The following INSR variants were observed in gnomAD, a reference collection of about 807,000 sequenced individuals.
INSR encodes IR.
A neutral mutation model predicts 142.6 loss-of-function variants in INSR; 67 were observed. The ratio of observed to expected loss-of-function variants is 0.47; its 90% CI spans 0.39 to 0.58. The LOEUF is 0.58. Ranked by LOEUF, INSR falls within the 20% of genes least tolerant of loss-of-function variation. The probability of loss-of-function intolerance (pLI) is 0.00; values close to 1 mark genes in which losing one functional copy is unlikely to be tolerated. For missense variants in INSR, 1,248 were observed against 1,833.2 expected (o/e 0.68, Z 5.83); for synonymous variants, 756 against 743.1 (o/e 1.02, Z -0.28).
intron 2 of INSR, among the ~76,000 whole-genome samples, chr19:7,193,159 C>T (rs1459600701): frequency 1.3e-5 from 2 of 151,048 alleles, no homozygotes; most frequent in Non-Finnish European, 2.9e-5. Flanking sequence ...ACTCTTGTCC[C>T]TCAGGCTGGA....
chr19:7,163,948 A>AAAAAAAAT (rs1411048837), intron 8 of INSR, among the ~76,000 whole-genome samples: 34 of 136,016 alleles, frequency 2.5e-4, no homozygotes, highest in African/African-American at 7.9e-4. Context: ...AAAAAAAAAA[A>AAAAAAAAT]ATTAGCTGGA....
At chr19:7,127,548 C>G (rs909759691) in intron 15 of INSR, among the ~76,000 whole-genome samples, 7 of 152,006 alleles carry the variant, frequency 4.6e-5, no homozygotes, top group African/African-American at 1.5e-4. Context: ...CATATTGTAT[C>G]CATAGGGTGG....
chr19:7,257,034 C>T (rs2145188776), intron 2 of INSR, among the ~76,000 whole-genome samples: 1 of 150,722 alleles, frequency 6.6e-6, no homozygotes, highest in South Asian at 2.1e-4. Context: ...CCTCCGCCTC[C>T]TGGGTTCAAG....
At chr19:7,135,976 A>AAAAAAAAAAAG (rs60435269) in intron 13 of INSR, among the ~76,000 whole-genome samples, 1,934 of 146,408 alleles carry the variant, frequency 0.013, 67 homozygotes, top group African/African-American at 0.039. Flanking sequence ...TCAAAAAAAA[A>AAAAAAAAAAAG]AAAGAAAGAA....
At chr19:7,247,404 C>T (rs147035125) in intron 2 of INSR, among the ~76,000 whole-genome samples, 1,662 of 152,292 alleles carry the variant, frequency 0.011, 13 homozygotes, top group Middle Eastern at 0.037. Flanking sequence ...CTACTCCTTC[C>T]TTGTTCCTCT....
chr19:7,288,761 G>A (rs117799332), intron 1 of INSR, among the ~76,000 whole-genome samples: 5,577 of 151,014 alleles, frequency 0.037, 124 homozygotes, highest in Non-Finnish European at 0.057. Flanking sequence ...TCAGGAGTTT[G>A]GGACCAGCCT....
chr19:7,287,506 A>G (rs1399431112), intron 1 of INSR, among the ~76,000 whole-genome samples: 1 of 147,102 alleles, frequency 6.8e-6, no homozygotes, highest in East Asian at 2.0e-4. Flanking sequence ...GGCCTGAGAG[A>G]AAAAAAAAAA....
At chr19:7,131,794 T>A (rs1599881333) in intron 14 of INSR, among the ~76,000 whole-genome samples, 2 of 140,062 alleles carry the variant, frequency 1.4e-5, no homozygotes, top group African/African-American at 5.3e-5. Context: ...AGGTCAGGAG[T>A]TTGAGACCAG....
intron 2 of INSR, among the ~76,000 whole-genome samples, chr19:7,243,709 A>G (rs1024373121): frequency 1.3e-5 from 2 of 152,292 alleles, no homozygotes; most frequent in South Asian, 2.1e-4. Context: ...CCAACCAAAA[A>G]CATAGCCCAA....
chr19:7,294,041 G>A lies in INSR; in HGVS notation c.-150C>T, dbSNP rs1372566835. ...CCGCGGGCCGCAGCCCCCCTGCCGGGGAGGGCCCAGAGGCAGCCCCGGGAA... is the reference window on the plus strand; with the variant it reads ...CCGCGGGCCGCAGCCCCCCTGCCGGAGAGGGCCCAGAGGCAGCCCCGGGAA... On this transcript the variant is annotated 5_prime_UTR_variant, in exon 1 of 22. Coordinates refer to ENST00000302850, the MANE Select transcript of INSR (RefSeq NM_000208.4). 3 of 867,166 alleles carry A rather than the reference G, an allele frequency of 3.5e-6. No homozygotes were observed. The highest frequency in any genetic ancestry group is 2.9e-6 in the Non-Finnish European group (2 of 694,174). 53.7% of individuals were successfully genotyped at this position (867,166 alleles called of 1,614,324 possible). A position where few individuals can be genotyped will look rare whatever the true frequency, so the allele number is the denominator to read the frequency against.
In INSR at chr19:7,267,529, G is replaced by C. The variant is rs1967773760; in HGVS notation, c.468C>G (p.Ala156=). The change falls in exon 2 of 22, where the codon GCC becomes GCG. Residue 156 remains alanine, a synonymous_variant. Coordinates refer to ENST00000302850, the MANE Select transcript of INSR (RefSeq NM_000208.4). The surrounding 1 kb of genome is among the most constrained non-coding windows in gnomAD (Gnocchi z 6.3). ...CCAGGATACGGGACCAGTCGATAGT[G>C]GCCAAGTAACAGAGCTCATTGTTCT... The part of the protein sequence containing the change: ...IEKNNELCYL[A]TIDWSRILDS... 6.2e-7 allele frequency: 1 copy of C among 1,613,972 alleles called. No individual in the cohort carries two copies. Among genetic ancestry groups the C allele is most frequent in the Admixed American group, 1.7e-5 (1 of 59,980 alleles).
At chr19:7,214,326 T>G (rs1975366883) in intron 2 of INSR, among the ~76,000 whole-genome samples, 1 of 152,156 alleles carries the variant, frequency 6.6e-6, no homozygotes, top group Non-Finnish European at 1.5e-5. Flanking sequence ...CCATAAACAT[T>G]TGCTGAACAA....
At chr19:7,127,932 C>T (rs906245791) in intron 15 of INSR, among the ~76,000 whole-genome samples, 11 of 151,892 alleles carry the variant, frequency 7.2e-5, no homozygotes, top group Admixed American at 3.3e-4. Flanking sequence ...TTAGTAGAGA[C>T]GGGGTTTCAC....
At chr19:7,271,225 G>A (rs953282263) in intron 1 of INSR, among the ~76,000 whole-genome samples, 5 of 152,180 alleles carry the variant, frequency 3.3e-5, no homozygotes, top group Admixed American at 1.3e-4. Context: ...GCCGGGCACC[G>A]TGGCTCACAC....
chr19:7,161,290 C>T (rs1238321134), intron 9 of INSR, among the ~76,000 whole-genome samples: 13 of 151,082 alleles, frequency 8.6e-5, no homozygotes, highest in Admixed American at 7.3e-4. Context: ...GACAGGGTCT[C>T]GCTCTGTCAC....
At chr19:7,130,009 G>A (rs1320505892) in intron 14 of INSR, among the ~76,000 whole-genome samples, 1 of 149,294 alleles carries the variant, frequency 6.7e-6, no homozygotes, top group African/African-American at 2.5e-5. Context: ...AAAGTTCTGG[G>A]ATTACAGGTG....
chr19:7,182,994 G>GT (rs1277607083), intron 3 of INSR, among the ~76,000 whole-genome samples: 1 of 150,936 alleles, frequency 6.6e-6, no homozygotes, highest in Non-Finnish European at 1.5e-5. Context: ...AAGCCAAAAG[G>GT]TTTTTTTGGT....
At chr19:7,177,458 A>C (rs1239133038) in intron 3 of INSR, among the ~76,000 whole-genome samples, 2 of 152,074 alleles carry the variant, frequency 1.3e-5, no homozygotes, top group African/African-American at 4.8e-5. Flanking sequence ...CAACTCCCTG[A>C]ACTTTTTGGT....
chr19:7,121,753 C>A (rs1353986566), intron 19 of INSR, among the ~76,000 whole-genome samples: 1 of 152,174 alleles, frequency 6.6e-6, no homozygotes, highest in Non-Finnish European at 1.5e-5. Context: ...CAGGCGGGAC[C>A]CCCGGTCCTA....
Sources: allele counts gnomAD v4.1 joint callset (sites outside exome capture counted in the v4.1 genomes callset), GRCh38; gene constraint gnomAD v4.1.1; non-coding constraint Gnocchi (gnomAD v3.1); transcripts MANE v1.5; gene names NCBI Gene and HGNC (gene_info 2026-07-23, HGNC 2026-07-21).